ZNF804A: variants seen among roughly 807,000 people sequenced by gnomAD.
The protein encoded by ZNF804A is zinc finger protein 804A.
ZNF804A carries 2 observed loss-of-function variants against 16.5 expected under a neutral mutation model. That is an observed-to-expected ratio of 0.12 (90% CI 0.05 to 0.38). The LOEUF (loss-of-function observed/expected upper bound fraction) is 0.38, where lower values mean the gene tolerates loss of function less well. Ranked by LOEUF, ZNF804A falls within the 10% of genes least tolerant of loss-of-function variation. ZNF804A has a pLI of 0.99. For missense variants in ZNF804A, 1,473 were observed against 1,390.7 expected (o/e 1.06, Z -0.94); for synonymous variants, 534 against 489.6 (o/e 1.09, Z -1.20).
intron 1 of ZNF804A, among the ~76,000 whole-genome samples, chr2:184,856,031 T>A (rs1269800886): frequency 6.6e-6 from 1 of 152,048 alleles, no homozygotes; most frequent in Non-Finnish European, 1.5e-5. Flanking sequence ...AAAACGATTC[T>A]GAAGCAAGGT....
At chr2:184,668,135 A>G (rs1359061801) in intron 1 of ZNF804A, among the ~76,000 whole-genome samples, 4 of 151,816 alleles carry the variant, frequency 2.6e-5, no homozygotes, top group African/African-American at 7.2e-5. Context: ...ATTATTTTCT[A>G]TGTGTTAATG....
At chr2:184,774,288 G>A (rs1295613156) in intron 1 of ZNF804A, among the ~76,000 whole-genome samples, 1 of 151,790 alleles carries the variant, frequency 6.6e-6, no homozygotes, top group Non-Finnish European at 1.5e-5. Context: ...ATGAGGTGGC[G>A]ACTAATGTCC....
At chr2:184,840,820 C>G (rs1333673463) in intron 1 of ZNF804A, among the ~76,000 whole-genome samples, 3 of 152,098 alleles carry the variant, frequency 2.0e-5, no homozygotes, top group Non-Finnish European at 4.4e-5. Context: ...ACTTCCTTCT[C>G]TAACCACTCT....
intron 1 of ZNF804A, among the ~76,000 whole-genome samples, chr2:184,685,607 G>A (rs1692615298): frequency 6.6e-6 from 1 of 152,144 alleles, no homozygotes; most frequent in African/African-American, 2.4e-5. Context: ...CCTTTCCACA[G>A]GCAGGATGTC....
At chr2:184,837,921 T>C (rs1300034870) in intron 1 of ZNF804A, among the ~76,000 whole-genome samples, 1 of 152,086 alleles carries the variant, frequency 6.6e-6, no homozygotes, top group Admixed American at 6.6e-5. Flanking sequence ...ATGATCACCA[T>C]AGCCTTTGGG....
Position 184,753,180 on chromosome 2 carries a change from C to T in ZNF804A, c.112-113189C>T, listed in dbSNP as rs114088481. Among the ~76,000 whole-genome samples the T allele has an allele frequency of 4.0e-3, 601 of 151,616 alleles. 11 individuals are homozygous for T. Among genetic ancestry groups the T allele is most frequent in the African/African-American group, 0.013 (546 of 41,428 alleles). On this transcript the variant is annotated intron_variant, in intron 1 of 3. Transcript: ENST00000302277. ...TTTATATTTGCCTTATAGTTTCACA[C>T]TTGTTTAATATCAAATATTCTTATT... is the stretch of plus-strand genomic sequence containing the variant.
rs74892302 is a variant in ZNF804A at position 184,643,906 on chromosome 2, C to T, written c.111+44836C>T. On this transcript the variant is annotated intron_variant, in intron 1 of 3. Coordinates refer to ENST00000302277, the MANE Select transcript of ZNF804A (RefSeq NM_194250.2). Reference sequence around the variant, plus strand: ...AGGTGTTAAGAATAACCCATGCATTCGTGTATCCTATAAATATATACACCT... The same window carrying T: ...AGGTGTTAAGAATAACCCATGCATTTGTGTATCCTATAAATATATACACCT... Among the ~76,000 whole-genome samples the T allele has an allele frequency of 1.3e-4, 19 of 151,618 alleles. No individual in the cohort carries two copies. In the East Asian group the frequency reaches 2.9e-3, roughly 23 times the overall value.
chr2:184,611,426 T>C (rs1691237610), intron 1 of ZNF804A, among the ~76,000 whole-genome samples: 1 of 151,882 alleles, frequency 6.6e-6, no homozygotes, highest in Admixed American at 6.6e-5. Context: ...GGCATGATAT[T>C]TAGGGCATGA....
rs535569768 is a variant in ZNF804A, at chr2:184,851,736, AT to A, written c.112-14627del. Among the ~76,000 whole-genome samples, 294 of 151,890 alleles carry A rather than the reference AT, an allele frequency of 1.9e-3. 1 individual carries two copies. Among genetic ancestry groups the A allele is most frequent in the African/African-American group, 6.8e-3 (282 of 41,494 alleles). ...GATTGCTGGATCATATGGTAGTTCT[AT>A]TTTTTAATGTTTGAGGAATCTCCAT... is the stretch of plus-strand genomic sequence containing the variant. On this transcript the variant is annotated intron_variant, in intron 1 of 3. Coordinates refer to ENST00000302277, the MANE Select transcript of ZNF804A (RefSeq NM_194250.2).
At chr2:184,839,413 T>C (rs1184883972) in intron 1 of ZNF804A, among the ~76,000 whole-genome samples, 1 of 152,016 alleles carries the variant, frequency 6.6e-6, no homozygotes, top group African/African-American at 2.4e-5. Flanking sequence ...TTATACATTC[T>C]CAGATTTTTA....
At chr2:184,872,755 G>A (rs1695995535) in intron 2 of ZNF804A, among the ~76,000 whole-genome samples, 1 of 152,178 alleles carries the variant, frequency 6.6e-6, no homozygotes, top group Non-Finnish European at 1.5e-5. Context: ...AACTTCTCAA[G>A]CTGATTCCAA....
intron 1 of ZNF804A, among the ~76,000 whole-genome samples, chr2:184,765,578 T>TCA (rs927242659): frequency 1.4e-5 from 2 of 142,652 alleles, no homozygotes; most frequent in Admixed American, 1.4e-4. Context: ...CCCTGCTTGC[T>TCA]CAATCAATCA....
chr2:184,706,881 G>T (rs913114310), intron 1 of ZNF804A, among the ~76,000 whole-genome samples: 1 of 152,176 alleles, frequency 6.6e-6, no homozygotes, highest in African/African-American at 2.4e-5. Context: ...CTACAAAATA[G>T]AATTAAAACT....
intron 1 of ZNF804A, among the ~76,000 whole-genome samples, chr2:184,692,048 T>C (rs926578928): frequency 6.6e-6 from 1 of 152,204 alleles, no homozygotes; most frequent in Non-Finnish European, 1.5e-5. Context: ...AAGCTTGATA[T>C]GTTTTAAGGC....
intron 1 of ZNF804A, among the ~76,000 whole-genome samples, chr2:184,666,486 A>C (rs527565962): frequency 3.2e-4 from 49 of 152,124 alleles, no homozygotes; most frequent in Middle Eastern, 6.8e-3. Flanking sequence ...AAAAATGTAC[A>C]ATTTATATCT....
intron 1 of ZNF804A, among the ~76,000 whole-genome samples, chr2:184,794,976 G>A (rs1333812048): frequency 6.6e-6 from 1 of 152,020 alleles, no homozygotes; most frequent in Non-Finnish European, 1.5e-5. Flanking sequence ...TAATAGTGGG[G>A]GACTTCAGTA....
intron 2 of ZNF804A, among the ~76,000 whole-genome samples, chr2:184,916,641 A>C (rs376550868): frequency 2.0e-5 from 3 of 152,256 alleles, no homozygotes; most frequent in East Asian, 3.9e-4. Context: ...TGAGGTCAAG[A>C]GATGGAGACC....
Position 184,786,515 on chromosome 2 carries a change from A to G in ZNF804A, c.112-79854A>G, listed in dbSNP as rs556760011. On this transcript the variant is annotated intron_variant, in intron 1 of 3. Transcript: ENST00000302277. ...AAATAAATTATTTCCTCCTTCGTATAAATTTTAAAAATCTGTTTAATTTAG... is the reference window on the plus strand; with the variant it reads ...AAATAAATTATTTCCTCCTTCGTATGAATTTTAAAAATCTGTTTAATTTAG... Among the ~76,000 whole-genome samples, 445 of 152,102 alleles carry G rather than the reference A, an allele frequency of 2.9e-3. 1 individual carries two copies. The highest frequency in any genetic ancestry group is 5.2e-3 in the Non-Finnish European group (354 of 67,912).
At chr2:184,703,689 C>CAAAAAAAAAAAAAAAA (rs10593157) in intron 1 of ZNF804A, among the ~76,000 whole-genome samples, 1 of 56,456 alleles carries the variant, frequency 1.8e-5, no homozygotes, top group African/African-American at 7.2e-5. Flanking sequence ...GACTCCGGTT[C>CAAAAAAAAAAAAAAAA]AAAAAAAAAA....
Sources: allele counts gnomAD v4.1 joint callset (sites outside exome capture counted in the v4.1 genomes callset), GRCh38; gene constraint gnomAD v4.1.1; transcripts MANE v1.5; gene names NCBI Gene and HGNC (gene_info 2026-07-23, HGNC 2026-07-21).